EYS: variants seen among roughly 807,000 people sequenced by gnomAD.
EYS encodes the protein protein eyes shut homolog.
A neutral mutation model predicts 282.1 loss-of-function variants in EYS; 250 were observed. The observed-to-expected ratio is 0.89, with a 90% CI of 0.80 to 0.98. The LOEUF (loss-of-function observed/expected upper bound fraction) is 0.98. EYS is among the 50% of genes least tolerant of loss of function. The pLI, the probability that EYS is intolerant of heterozygous loss-of-function variation, is 0.00. For synonymous variants in EYS, 1,355 were observed against 1,282.9 expected (o/e 1.06, Z -1.20); for missense variants, 4,016 against 3,709.0 (o/e 1.08, Z -2.15).
intron 5 of EYS, among the ~76,000 whole-genome samples, chr6:65,434,614 C>T (rs907400750): frequency 3.9e-5 from 6 of 152,144 alleles, no homozygotes; most frequent in East Asian, 1.9e-4. Flanking sequence ...CCACCGCGCC[C>T]GGCCACAAAA....
chr6:63,884,486 G>T (rs1274142826), intron 35 of EYS, among the ~76,000 whole-genome samples: 1 of 150,838 alleles, frequency 6.6e-6, no homozygotes, highest in Non-Finnish European at 1.5e-5. Flanking sequence ...AGCTTGATTT[G>T]GGTTGTGGTT....
At chr6:65,157,024 ATC>A (rs1764745637) in intron 12 of EYS, among the ~76,000 whole-genome samples, 8 of 150,952 alleles carry the variant, frequency 5.3e-5, no homozygotes. Flanking sequence ...AAACTCCTAC[ATC>A]TGTTATTTGA....
At chr6:65,317,453 T>C (rs1015337241) in intron 11 of EYS, among the ~76,000 whole-genome samples, 2 of 152,242 alleles carry the variant, frequency 1.3e-5, no homozygotes, top group African/African-American at 4.8e-5. Flanking sequence ...GGTATGATTT[T>C]TGTTTTCCTA....
chr6:64,178,287 T>G (rs1764692661), intron 31 of EYS, among the ~76,000 whole-genome samples: 1 of 152,134 alleles, frequency 6.6e-6, no homozygotes, highest in Non-Finnish European at 1.5e-5. Context: ...AAAGGCATTT[T>G]GATGATATTT....
intron 31 of EYS, among the ~76,000 whole-genome samples, chr6:64,141,105 G>A (rs1445166461): frequency 6.6e-6 from 1 of 151,996 alleles, no homozygotes; most frequent in East Asian, 1.9e-4. Context: ...TTAGAGGAAG[G>A]CAAACTCCCA....
intron 26 of EYS, among the ~76,000 whole-genome samples, chr6:64,556,869 G>C (rs887005280): frequency 6.6e-6 from 1 of 151,840 alleles, no homozygotes; most frequent in Non-Finnish European, 1.5e-5. Flanking sequence ...AAGAATCACT[G>C]TAGTAAAATA....
chr6:65,189,830 G>C (rs951684424), intron 12 of EYS, among the ~76,000 whole-genome samples: 2 of 151,792 alleles, frequency 1.3e-5, no homozygotes. Flanking sequence ...AGCCTCTTCA[G>C]AGGAAAGTGA....
At chr6:65,648,316 G>A (rs112653175) in intron 1 of EYS, among the ~76,000 whole-genome samples, 576 of 19,476 alleles carry the variant, frequency 0.03, 3 homozygotes, top group Non-Finnish European at 0.045. Flanking sequence ...GAAAATATAT[G>A]TGTGTGTGTG....
chr6:64,317,716 A>T (rs1228723100), intron 29 of EYS, among the ~76,000 whole-genome samples: 2 of 152,146 alleles, frequency 1.3e-5, no homozygotes, highest in Non-Finnish European at 2.9e-5. Flanking sequence ...TCTACTATAA[A>T]CACACATGCA....
chr6:64,007,680 T>A (rs1217984114), intron 33 of EYS, among the ~76,000 whole-genome samples: 3 of 152,202 alleles, frequency 2.0e-5, no homozygotes, highest in Non-Finnish European at 2.9e-5. Context: ...AATTCTTGTA[T>A]GTTGTATCTT....
chr6:64,721,576 A>C (rs183359637), intron 22 of EYS, among the ~76,000 whole-genome samples: 1 of 152,274 alleles, frequency 6.6e-6, no homozygotes, highest in East Asian at 1.9e-4. Flanking sequence ...CCCTTTCTTC[A>C]AAAAACTTAT....
intron 31 of EYS, among the ~76,000 whole-genome samples, chr6:64,221,493 T>C (rs1462618901): frequency 6.6e-6 from 1 of 152,154 alleles, no homozygotes; most frequent in Non-Finnish European, 1.5e-5. Flanking sequence ...TCCAGGACTA[T>C]GAACCATTAA....
intron 26 of EYS, among the ~76,000 whole-genome samples, chr6:64,510,742 T>A (rs1441410875): frequency 6.6e-6 from 1 of 152,142 alleles, no homozygotes; most frequent in Non-Finnish European, 1.5e-5. Flanking sequence ...TAATCAGATT[T>A]TCAATTTTTC....
intron 22 of EYS, among the ~76,000 whole-genome samples, chr6:64,792,742 T>C (rs1470899160): frequency 3.3e-5 from 5 of 152,080 alleles, no homozygotes; most frequent in African/African-American, 1.2e-4. Flanking sequence ...AGCTATTATA[T>C]TGTATAATGT....
chr6:64,248,395 TGAA>T (rs1767089638), intron 30 of EYS, among the ~76,000 whole-genome samples: 1 of 152,084 alleles, frequency 6.6e-6, no homozygotes. Flanking sequence ...TGGAGGCAGT[TGAA>T]GGAGGAGGAG....
At chr6:63,986,584 T>A (rs1453931918) in intron 34 of EYS, among the ~76,000 whole-genome samples, 1 of 151,724 alleles carries the variant, frequency 6.6e-6, no homozygotes, top group Non-Finnish European at 1.5e-5. Context: ...ATGGATGGAA[T>A]AATATGCAGC....
intron 12 of EYS, among the ~76,000 whole-genome samples, chr6:65,166,951 T>A (rs1189660257): frequency 6.6e-6 from 1 of 151,182 alleles, no homozygotes; most frequent in African/African-American, 2.4e-5. Context: ...ATGATCACTA[T>A]CATTAGCTGT....
intron 29 of EYS, among the ~76,000 whole-genome samples, chr6:64,355,991 C>T (rs1161682303): frequency 1.3e-5 from 2 of 151,604 alleles, no homozygotes; most frequent in African/African-American, 4.8e-5. Context: ...TTACTCCTGA[C>T]CACATGCCAA....
chr6:65,679,304 A>T (rs1225408366), intron 1 of EYS, among the ~76,000 whole-genome samples: 1 of 151,856 alleles, frequency 6.6e-6, no homozygotes, highest in African/African-American at 2.4e-5. Flanking sequence ...GTGTATGTGT[A>T]TGTGTGTGCA....
Sources: allele counts gnomAD v4.1 joint callset (sites outside exome capture counted in the v4.1 genomes callset), GRCh38; gene constraint gnomAD v4.1.1; transcripts MANE v1.5; gene names NCBI Gene and HGNC (gene_info 2026-07-23, HGNC 2026-07-21).